COCH: variants seen among roughly 807,000 people sequenced by gnomAD.
The protein encoded by COCH is coagulation factor C homolog, cochlin (Limulus polyphemus).
COCH carries 40 observed loss-of-function variants against 54.8 expected under a neutral mutation model. The ratio of observed to expected loss-of-function variants is 0.73; its 90% CI spans 0.57 to 0.95. COCH has a LOEUF of 0.95. Ranked by LOEUF, COCH falls within the 40% of genes least tolerant of loss-of-function variation. The probability of loss-of-function intolerance (pLI) is 0.00; values close to 1 mark genes in which losing one functional copy is unlikely to be tolerated. For synonymous variants in COCH, 256 were observed against 237.9 expected, an observed-to-expected ratio of 1.08 and a Z score of -0.70; for missense variants, 605 against 675.0, an observed-to-expected ratio of 0.90 and a Z score of 1.15.
chr14:30,890,946 G>A (rs1594393303), downstream of COCH, among the ~76,000 whole-genome samples: 1 of 152,026 alleles, frequency 6.6e-6, no homozygotes, highest in Admixed American at 6.6e-5. Context: ...GGCTGAGGTG[G>A]GAGGACTGCT....
Position 30,877,458 on chromosome 14 carries a change from A to G in COCH, c.83-114A>G. 2 of 1,333,032 alleles carry G rather than the reference A, an allele frequency of 1.5e-6. No homozygotes were observed. Among genetic ancestry groups the G allele is most frequent in the Non-Finnish European group, 2.1e-6 (2 of 957,832 alleles). 82.6% of individuals were successfully genotyped at this position (1,333,032 alleles called of 1,614,324 possible). Reference sequence around the variant, plus strand: ...AAGGGTATATAAGTCAATAGTCATAACTAGAAGTGTAGAAATTAGGGAAGT... The same window carrying G: ...AAGGGTATATAAGTCAATAGTCATAGCTAGAAGTGTAGAAATTAGGGAAGT... On this transcript the variant is annotated intron_variant, in intron 3 of 11. Coordinates refer to ENST00000396618, the MANE Select transcript of COCH (RefSeq NM_004086.3). The surrounding 1 kb of genome is among the most constrained non-coding windows in gnomAD (Gnocchi z 8.6).
rs751621900 is a variant in COCH, at chr14:30,874,903, C to T, written c.-23-13C>T. The T allele has an allele frequency of 6.2e-7, 1 of 1,612,996 alleles. No individual in the cohort carries two copies. Among genetic ancestry groups the T allele is most frequent in the Non-Finnish European group, 8.5e-7 (1 of 1,179,492 alleles). On this transcript the variant is annotated splice_polypyrimidine_tract_variant and intron_variant, in intron 1 of 11. Transcript: ENST00000396618. ...CGCACCCTGGCCTTGCCCGCATTCT[C>T]CCTCTCTCCCAGGTGTGAGCAGCCT... is the stretch of plus-strand genomic sequence containing the variant.
intron 11 of COCH, among the ~76,000 whole-genome samples, chr14:30,886,909 C>T (rs549892506): frequency 1.6e-4 from 24 of 152,120 alleles, no homozygotes; most frequent in African/African-American, 2.4e-4. Context: ...TGGGGAGAGA[C>T]GGGGGTCTCA....
At chr14:30,884,490 T>G in intron 8 of COCH, 63 bp from the exon 9 acceptor site, 1 of 1,129,356 alleles carries the variant, frequency 8.9e-7, no homozygotes, top group Non-Finnish European at 1.3e-6. Context: ...TTTTAAGGCA[T>G]GTAATGTTGC....
intron 3 of COCH, 92 bp downstream of exon 3, chr14:30,875,195 A>T: frequency 1.3e-6 from 2 of 1,511,150 alleles, no homozygotes; most frequent in South Asian, 2.4e-5. Flanking sequence ...CTTGGGCTTC[A>T]GCCCTACCGC....
intron 3 of COCH, among the ~76,000 whole-genome samples, chr14:30,876,939 CA>C (rs1895376592): frequency 6.6e-6 from 1 of 151,942 alleles, no homozygotes; most frequent in Non-Finnish European, 1.5e-5. Context: ...GCGGAGAGTA[CA>C]GGCATGCACC....
chr14:30,874,721 C>A, intron 1 of COCH, 130 bp downstream of exon 1: 1 of 626,134 alleles, frequency 1.6e-6, no homozygotes, highest in Non-Finnish European at 2.8e-6. Flanking sequence ...GGGTTGCACA[C>A]CGATCCTGGG....
At chr14:30,875,620 G>A (rs1471332371) in intron 3 of COCH, 2 of 317,664 alleles carry the variant, frequency 6.3e-6, no homozygotes, top group South Asian at 1.1e-4. Flanking sequence ...AGCACTCGCG[G>A]TCTCACTCTA....
rs1895947652 is a variant in COCH, at chr14:30,890,539, CAA to C, written c.*750_*751del. 19 of 945,094 alleles carry C rather than the reference CAA, an allele frequency of 2.0e-5. No homozygotes were observed. The highest frequency in any genetic ancestry group is 2.4e-5 in the Non-Finnish European group (19 of 793,036). The allele number at this position is 945,094 out of a possible 1,614,324, so 58.5% of individuals were successfully genotyped here. A position where few individuals can be genotyped will look rare whatever the true frequency, so the allele number is the denominator to read the frequency against. ...CTGACTGCTTATAAACATTTAAAGA[CAA>C]AGACATTTCAAATAACTGCAGAAAA... On this transcript the variant is annotated 3_prime_UTR_variant, in exon 12 of 12. Transcript: ENST00000396618.
intron 11 of COCH, among the ~76,000 whole-genome samples, chr14:30,888,535 A>C (rs948210883): frequency 1.3e-5 from 2 of 152,042 alleles, no homozygotes; most frequent in African/African-American, 4.8e-5. Flanking sequence ...TAATCCCAGC[A>C]CTTTGGGAGG....
intron 8 of COCH, among the ~76,000 whole-genome samples, chr14:30,883,797 TAATATTA>T (rs1895691699): frequency 6.6e-6 from 1 of 152,234 alleles, no homozygotes; most frequent in Non-Finnish European, 1.5e-5. Flanking sequence ...GAAATTCCTT[TAATATTA>T]AATATAGGAA....
At chr14:30,889,055 A>G (rs1261524520) in intron 11 of COCH, 1 of 153,426 alleles carries the variant, frequency 6.5e-6, no homozygotes, top group African/African-American at 2.4e-5. Flanking sequence ...GCCAATATAA[A>G]GATTGAAATG....
chr14:30,884,967 C>G, intron 9 of COCH: 1 of 1,598,192 alleles, frequency 6.3e-7, no homozygotes, highest in Non-Finnish European at 8.5e-7. Context: ...AATCAACAGA[C>G]TTATCTAATG....
Position 30,878,892 on chromosome 14 carries a change from T to C in COCH, c.321T>C (p.Asn107=), listed in dbSNP as rs779886624. Residue 107 remains asparagine (N), a synonymous_variant, in exon 5 of 12, where the codon AAT becomes AAC. Coordinates refer to ENST00000396618, the MANE Select transcript of COCH (RefSeq NM_004086.3). The part of the protein sequence containing the change: ...GRENYSSVDA[N]GIQSQMLSRW... The stretch of plus-strand genomic sequence containing the variant: ...AAAACTATTCCTCAGTAGATGCCAA[T>C]GGCATCCAGTCTCAAATGCTTTCTA... 13 of 1,614,214 alleles carry C rather than the reference T, an allele frequency of 8.1e-6. No individual in the cohort carries two copies. The Admixed American group carries it at 1.7e-4, about 21-fold the overall frequency.
In COCH at chr14:30,877,852, ATGGATATATTTTCACGGT is replaced by A; in HGVS notation, c.239+126_239+143del. 1 of 1,509,042 alleles carries A rather than the reference ATGGATATATTTTCACGGT, an allele frequency of 6.6e-7. No individual in the cohort carries two copies. Among genetic ancestry groups the A allele is most frequent in the Non-Finnish European group, 9.0e-7 (1 of 1,114,122 alleles). 93.5% of individuals were successfully genotyped at this position (1,509,042 alleles called of 1,614,324 possible). On this transcript the variant is annotated intron_variant, in intron 4 of 11. Coordinates refer to ENST00000396618, the MANE Select transcript of COCH (RefSeq NM_004086.3). This position sits in a 1 kb window ranked among gnomAD's most constrained non-coding sequence, Gnocchi z 8.6. ...TTTGTTGCCATTGTGGCCACAGAAA[ATGGATATATTTTCACGGT>A]TCTCCTGGATATACTTGAAACACCA...
In COCH at chr14:30,889,651, C is replaced by T. The variant is rs201578645; in HGVS notation, c.1513C>T (p.Pro505Ser). ...TIFSVGVAWA[P>S]LDDLKDMASK... ...CTTCTCTGTTGGTGTGGCTTGGGCA[C>T]CTCTGGATGACCTGAAAGATATGGC... Residue 505 changes from proline (P) to serine (S), a missense_variant, in exon 12 of 12, where the codon CCT (proline) becomes TCT (serine). By Grantham distance (74) the Pro-to-Ser change is moderately conservative. Transcript: ENST00000396618. 1 of 1,614,034 alleles carries T rather than the reference C, an allele frequency of 6.2e-7. No homozygotes were observed. Among genetic ancestry groups the T allele is most frequent in the Middle Eastern group, 1.7e-4 (1 of 6,060 alleles).
Position 30,886,104 on chromosome 14 carries a change from C to G in COCH, c.1269C>G (p.Asp423Glu), listed in dbSNP as rs35353967. Reference protein sequence around the residue: ...YDQRTEFSFTDYSTKENVLAV... With the variant: ...YDQRTEFSFTEYSTKENVLAV... ...AGCGCACGGAGTTCAGTTTCACTGACTATAGCACCAAAGAGAATGTCCTAG... is the reference window on the plus strand; with the variant it reads ...AGCGCACGGAGTTCAGTTTCACTGAGTATAGCACCAAAGAGAATGTCCTAG... The change falls in exon 11 of 12, where the codon GAC becomes GAG. Residue 423 changes from aspartate (D) to glutamate (E), a missense_variant. Physicochemically the swap from Asp to Glu is conservative, Grantham distance 45. Coordinates refer to ENST00000396618, the MANE Select transcript of COCH (RefSeq NM_004086.3). 1.2e-6 allele frequency: 2 copies of G among 1,614,124 alleles called. No individual in the cohort carries two copies. Among genetic ancestry groups the G allele is most frequent in the South Asian group, 2.2e-5 (2 of 91,080 alleles).
chr14:30,885,271 C>T, intron 9 of COCH, 123 bp from the exon 10 acceptor site: 2 of 980,140 alleles, frequency 2.0e-6, no homozygotes, highest in Non-Finnish European at 3.1e-6. Flanking sequence ...TTTTTGTGTG[C>T]CCCGCCCCAC....
intron 6 of COCH, 106 bp from the exon 7 acceptor site, chr14:30,880,343 AAAG>A: frequency 1.3e-6 from 2 of 1,505,238 alleles, no homozygotes; most frequent in Non-Finnish European, 1.8e-6. Context: ...TTTTTTTAAA[AAAG>A]TCCTTTCAAG....
Sources: gnomAD v4.1 joint callset for allele counts (sites outside exome capture counted in the v4.1 genomes callset) on GRCh38, gnomAD v4.1.1 for gene constraint, Gnocchi (gnomAD v3.1) non-coding constraint, MANE v1.5 for transcripts, NCBI Gene and HGNC (gene_info 2026-07-23, HGNC 2026-07-21) for gene names.